Variants in FAAH2 observed in about 807,000 individuals in gnomAD.
FAAH2 encodes fatty acid amide hydrolase 2.
A neutral mutation model predicts 36.9 loss-of-function variants in FAAH2; 60 were observed. The ratio of observed to expected loss-of-function variants is 1.63; its 90% CI spans 1.32 to 2.02. FAAH2 has a LOEUF of 2.02. Among genes scored for constraint, FAAH2 ranks in the 30% most tolerant of loss-of-function variants. The probability of loss-of-function intolerance (pLI) is 0.00; values close to 1 mark genes in which losing one functional copy is unlikely to be tolerated. For missense variants in FAAH2, 689 were observed against 397.5 expected, an observed-to-expected ratio of 1.73 and a Z score of -6.23; for synonymous variants, 214 against 143.8, an observed-to-expected ratio of 1.49 and a Z score of -3.49.
the FAAH2 span, among the ~76,000 whole-genome samples, chrX:57,221,424 C>T: frequency 4.5e-5 from 5 of 111,069 alleles, no homozygotes; most frequent in East Asian, 1.4e-3. Flanking sequence ...TCCACAATAC[C>T]CTTAAATAGC....
chrX:57,308,901 G>A (rs959437949), intron 2 of FAAH2, among the ~76,000 whole-genome samples: 6 of 111,751 alleles, frequency 5.4e-5, no homozygotes, highest in African/African-American at 1.9e-4. Context: ...AGCTTGCATA[G>A]TTCACAAAAC....
the FAAH2 span, among the ~76,000 whole-genome samples, chrX:57,202,952 A>G: frequency 8.9e-6 from 1 of 111,986 alleles, no homozygotes. Flanking sequence ...TGCCAGACTA[A>G]CACTATTGTT....
Position 57,431,537 on chromosome X carries a change from C to G in FAAH2, c.997-381C>G, listed in dbSNP as rs1016465741. ...TGTCCCCAGAGAAGCTAGAACTTTA[C>G]AAGCAAGTTCCATTCATATTCTTTC... On this transcript the variant is annotated intron_variant, in intron 7 of 10. Coordinates refer to ENST00000374900, the MANE Select transcript of FAAH2 (RefSeq NM_174912.4). Among the ~76,000 whole-genome samples, 7 of 111,248 alleles carry G rather than the reference C, an allele frequency of 6.3e-5. No homozygotes were observed. The East Asian group carries it at 2.0e-3, about 32-fold the overall frequency.
In FAAH2 at chrX:57,448,659, C is replaced by T. The variant is rs1327515386; in HGVS notation, c.1364C>T (p.Pro455Leu). Residue 455 changes from proline to leucine, a missense_variant, in exon 10 of 11, where the codon CCC becomes CTC. Transcript: ENST00000374900. ...DDGVFLYPSHPTVAPKHHVPL... is the reference protein window; with the variant it reads ...DDGVFLYPSHLTVAPKHHVPL... ...GGTGTGTTCTTATATCCCTCACATC[C>T]CACAGTGGCACCTAAGCATCATGTC... 8.3e-7 allele frequency: 1 copy of T among 1,211,265 alleles called. No individual in the cohort carries two copies. The highest frequency in any genetic ancestry group is 1.1e-6 in the Non-Finnish European group (1 of 895,287).
the FAAH2 span, among the ~76,000 whole-genome samples, chrX:57,261,363 G>A: frequency 5.5e-5 from 6 of 109,279 alleles, no homozygotes; most frequent in Admixed American, 3.9e-4. Flanking sequence ...GAACAGCCTG[G>A]CCATCATGGT....
chrX:57,266,388 C>T, the FAAH2 span, among the ~76,000 whole-genome samples: 1 of 111,908 alleles, frequency 8.9e-6, no homozygotes, highest in Non-Finnish European at 1.9e-5. Context: ...GACCAGACTG[C>T]TACATGAGTG....
the FAAH2 span, among the ~76,000 whole-genome samples, chrX:57,183,262 T>A: frequency 9.0e-6 from 1 of 111,689 alleles, no homozygotes; most frequent in Non-Finnish European, 1.9e-5. Context: ...TAAATAAGTA[T>A]TCTAAACTTC....
chrX:57,219,400 G>A, the FAAH2 span, among the ~76,000 whole-genome samples: 1 of 111,673 alleles, frequency 9.0e-6, no homozygotes, highest in Non-Finnish European at 1.9e-5. Flanking sequence ...CAAAGAGCAG[G>A]CCACAGCAGC....
chrX:57,204,691 T>C, the FAAH2 span, among the ~76,000 whole-genome samples: 1 of 112,595 alleles, frequency 8.9e-6, no homozygotes. Flanking sequence ...AGCTGGTTTC[T>C]GTAGATGCTG....
At chrX:57,326,978 C>T (rs923887317) in intron 3 of FAAH2, among the ~76,000 whole-genome samples, 1 of 103,218 alleles carries the variant, frequency 9.7e-6, no homozygotes, top group Non-Finnish European at 2.0e-5. Flanking sequence ...TGGCTGGTAT[C>T]GGTTGTTCCT....
At chrX:57,467,726 C>T (rs150622353) in intron 10 of FAAH2, among the ~76,000 whole-genome samples, 4,833 of 111,512 alleles carry the variant, frequency 0.043, 272 homozygotes, top group African/African-American at 0.15. Flanking sequence ...CTTAAATGTC[C>T]CTGTCTGACA....
At chrX:57,272,831 G>T in the FAAH2 span, among the ~76,000 whole-genome samples, 1 of 112,156 alleles carries the variant, frequency 8.9e-6, no homozygotes, top group African/African-American at 3.2e-5. Flanking sequence ...TCAACACTAT[G>T]AAGAAACCGC....
intron 3 of FAAH2, among the ~76,000 whole-genome samples, chrX:57,321,170 G>T (rs1230857944): frequency 1.8e-5 from 2 of 110,032 alleles, no homozygotes; most frequent in South Asian, 3.9e-4. Flanking sequence ...ATGAATGCAT[G>T]TCCTTTGCAG....
chrX:57,148,472 C>T, the FAAH2 span, among the ~76,000 whole-genome samples: 1 of 110,486 alleles, frequency 9.1e-6, no homozygotes, highest in Non-Finnish European at 1.9e-5. Context: ...TGAAGAGGTC[C>T]TTCACATCCC....
At chrX:57,397,844 C>A (rs1486355158) in intron 7 of FAAH2, among the ~76,000 whole-genome samples, 1 of 109,344 alleles carries the variant, frequency 9.1e-6, no homozygotes, top group African/African-American at 3.3e-5. Flanking sequence ...CTAATGCTAT[C>A]CCTCCCCCTT....
At chrX:57,160,078 T>C in the FAAH2 span, among the ~76,000 whole-genome samples, 1 of 112,108 alleles carries the variant, frequency 8.9e-6, no homozygotes, top group African/African-American at 3.2e-5. Context: ...AGGCCTTTTC[T>C]GCATCTATTG....
rs749206936 is a variant in FAAH2, at chrX:57,341,343, G to A, written c.695G>A (p.Arg232Gln). ...GGCTCTGATATTGGTGGTAGCATTCGAATGCCTGCTTTCTTCAATGGTATA... is the reference window on the plus strand; with the variant it reads ...GGCTCTGATATTGGTGGTAGCATTCAAATGCCTGCTTTCTTCAATGGTATA... The part of the protein sequence containing the change: ...GVGSDIGGSI[R>Q]MPAFFNGIFG... The change falls in exon 5 of 11, where the codon CGA (arginine) becomes CAA (glutamine). Residue 232 changes from arginine to glutamine, a missense_variant. Coordinates refer to ENST00000374900, the MANE Select transcript of FAAH2 (RefSeq NM_174912.4). The A allele has an allele frequency of 1.8e-5, 22 of 1,208,701 alleles. No individual in the cohort carries two copies. In the East Asian group the frequency reaches 2.7e-4, roughly 15 times the overall value.
chrX:57,405,875 G>A (rs1375481811), intron 7 of FAAH2, among the ~76,000 whole-genome samples: 1 of 105,023 alleles, frequency 9.5e-6, no homozygotes, highest in Non-Finnish European at 1.9e-5. Flanking sequence ...ATTTATTTTG[G>A]TTTTCAACTT....
chrX:57,470,286 C>T (rs770649001), intron 10 of FAAH2, among the ~76,000 whole-genome samples: 9 of 111,175 alleles, frequency 8.1e-5, no homozygotes, highest in East Asian at 2.8e-4. Flanking sequence ...ACAAAAAACC[C>T]TTCAAAATAT....
Sources: allele counts gnomAD v4.1 joint callset (sites outside exome capture counted in the v4.1 genomes callset), GRCh38; gene constraint gnomAD v4.1.1; transcripts MANE v1.5; gene names NCBI Gene and HGNC (gene_info 2026-07-23, HGNC 2026-07-21).